The following PCDH15 variants were observed in gnomAD, a reference collection of about 807,000 sequenced individuals.
The protein encoded by PCDH15 is protocadherin-15.
PCDH15 carries 129 observed loss-of-function variants against 178.5 expected under a neutral mutation model. That is an observed-to-expected ratio of 0.72 (90% confidence interval 0.63 to 0.84). PCDH15 has a LOEUF of 0.84. Among genes scored for constraint, PCDH15 ranks in the 40% least tolerant of loss-of-function variants. PCDH15 has a pLI of 0.00. For missense variants in PCDH15, 2,230 were observed against 2,099.9 expected (o/e 1.06, Z -1.21); for synonymous variants, 800 against 732.0 (o/e 1.09, Z -1.50).
In PCDH15 at chr10:54,692,699, A is replaced by AAACATCCCTGATTGAGTGACTCCG. The variant is rs66510225; in HGVS notation, c.-28-28410_-28-28409insCGGAGTCACTCAATCAGGGATGTT. ...CTTAAACTTAAAAGCGAATAACTCC[A>AAACATCCCTGATTGAGTGACTCCG]AACATCCCTGATTGAATAACTCAAA... On this transcript the variant is annotated intron_variant, in intron 1 of 37. Transcript: ENST00000644397. Among the ~76,000 whole-genome samples, 78 of 152,196 alleles carry AAACATCCCTGATTGAGTGACTCCG rather than the reference A, an allele frequency of 5.1e-4. 1 individual carries two copies. The highest frequency in any genetic ancestry group is 1.7e-3 in the African/African-American group (71 of 41,548).
intron 10 of PCDH15, among the ~76,000 whole-genome samples, chr10:54,211,969 A>C (rs1398773064): frequency 8.2e-6 from 1 of 122,348 alleles, no homozygotes; most frequent in Non-Finnish European, 1.8e-5. Context: ...CCATTAATAA[A>C]AGAAAGTGCT....
intron 10 of PCDH15, among the ~76,000 whole-genome samples, chr10:54,205,593 A>G (rs1393940275): frequency 1.3e-5 from 2 of 151,602 alleles, no homozygotes; most frequent in African/African-American, 2.4e-5. Flanking sequence ...CTGACTAAAA[A>G]TTATTAGGTT....
chr10:54,251,715 C>T (rs2056487615), intron 8 of PCDH15, among the ~76,000 whole-genome samples: 1 of 152,054 alleles, frequency 6.6e-6, no homozygotes, highest in Non-Finnish European at 1.5e-5. Flanking sequence ...CTACCATTGT[C>T]CTATCAAGTT....
At chr10:54,449,453 C>T (rs1034271036) in intron 3 of PCDH15, among the ~76,000 whole-genome samples, 1 of 151,692 alleles carries the variant, frequency 6.6e-6, no homozygotes, top group African/African-American at 2.4e-5. Flanking sequence ...GTAAATATAA[C>T]CTTCTCTATC....
chr10:55,238,779 GT>G (rs934290682), intron 1 of PCDH15, among the ~76,000 whole-genome samples: 2 of 151,912 alleles, frequency 1.3e-5, no homozygotes, highest in Non-Finnish European at 2.9e-5. Context: ...TATATGTGAT[GT>G]TTTCATACAG....
chr10:54,638,847 G>A (rs1043290396), intron 2 of PCDH15, among the ~76,000 whole-genome samples: 1 of 151,990 alleles, frequency 6.6e-6, no homozygotes, highest in Non-Finnish European at 1.5e-5. Flanking sequence ...ACGGAACACC[G>A]CTCAGCTATA....
intron 20 of PCDH15, among the ~76,000 whole-genome samples, chr10:54,015,516 G>T (rs1319381802): frequency 6.6e-6 from 1 of 152,150 alleles, no homozygotes; most frequent in African/African-American, 2.4e-5. Context: ...CAATGCTACG[G>T]TAACCAAAAC....
chr10:55,463,836 G>C (rs1158874975), intron 2 of PCDH15, among the ~76,000 whole-genome samples: 1 of 150,294 alleles, frequency 6.7e-6, no homozygotes, highest in Non-Finnish European at 1.5e-5. Context: ...TATTAAATGA[G>C]ATAGGGTGAC....
At chr10:55,020,683 G>A (rs961309031) in intron 2 of PCDH15, among the ~76,000 whole-genome samples, 2 of 152,008 alleles carry the variant, frequency 1.3e-5, no homozygotes, top group Non-Finnish European at 2.9e-5. Context: ...TCGCCTTTTC[G>A]TTCCTAAATA....
chr10:55,007,360 GA>G (rs1376015074), intron 2 of PCDH15, among the ~76,000 whole-genome samples: 2 of 150,330 alleles, frequency 1.3e-5, no homozygotes, highest in African/African-American at 4.9e-5. Context: ...CATACTTTCA[GA>G]AAATAGTGTT....
At chr10:54,011,106 AG>A (rs1309623626) in intron 20 of PCDH15, among the ~76,000 whole-genome samples, 1 of 145,876 alleles carries the variant, frequency 6.9e-6, no homozygotes, top group African/African-American at 2.4e-5. Context: ...CCAGCAGTGC[AG>A]CCACCCCACT....
intron 2 of PCDH15, among the ~76,000 whole-genome samples, chr10:55,353,210 C>A (rs764444115): frequency 9.2e-5 from 14 of 152,110 alleles, no homozygotes; most frequent in Non-Finnish European, 2.1e-4. Context: ...GTCGTCAAAT[C>A]CCAAAGCACA....
intron 1 of PCDH15, among the ~76,000 whole-genome samples, chr10:54,681,076 G>A (rs2094890726): frequency 6.6e-6 from 1 of 152,106 alleles, no homozygotes; most frequent in Non-Finnish European, 1.5e-5. Flanking sequence ...ATGAGAAACA[G>A]CAAATAGGCC....
chr10:53,810,703 T>A (rs1198224071), intron 36 of PCDH15, 39 bp from the exon 37 acceptor site: 1 of 1,546,638 alleles, frequency 6.5e-7, no homozygotes, highest in Non-Finnish European at 8.9e-7. Context: ...GTTTGTCATG[T>A]GATTTCTGTA....
intron 2 of PCDH15, among the ~76,000 whole-genome samples, chr10:55,543,379 G>GTATATATATATA (rs5785142): frequency 2.0e-5 from 3 of 146,942 alleles, no homozygotes; most frequent in Admixed American, 6.9e-5. Context: ...TATAATGCCT[G>GTATATATATATA]TATATATATA....
chr10:55,132,214 T>C (rs1049756676), intron 2 of PCDH15, among the ~76,000 whole-genome samples: 1 of 152,206 alleles, frequency 6.6e-6, no homozygotes, highest in Non-Finnish European at 1.5e-5. Context: ...ATCATATGGC[T>C]AACTTCTTAT....
intron 2 of PCDH15, among the ~76,000 whole-genome samples, chr10:55,024,643 A>G (rs1840430393): frequency 6.6e-6 from 1 of 152,054 alleles, no homozygotes; most frequent in Non-Finnish European, 1.5e-5. Flanking sequence ...CCCCATCTCA[A>G]GAAACTGCAT....
At chr10:55,205,081 A>C (rs1840359214) in intron 1 of PCDH15, among the ~76,000 whole-genome samples, 1 of 152,092 alleles carries the variant, frequency 6.6e-6, no homozygotes, top group Non-Finnish European at 1.5e-5. Context: ...ACTTCCAAGC[A>C]AGCCAACTAT....
At chr10:55,567,280 CAAAATGGATCCATGACCTAAATGGAA>C (rs908952680) in intron 2 of PCDH15, among the ~76,000 whole-genome samples, 1 of 151,746 alleles carries the variant, frequency 6.6e-6, no homozygotes, top group African/African-American at 2.4e-5. Context: ...AAAATTTAGT[CAAAATGGATCCATGACCTAAATGGAA>C]GGCCTAAAAC....
Sources: gnomAD v4.1 joint callset for allele counts (sites outside exome capture counted in the v4.1 genomes callset) on GRCh38, gnomAD v4.1.1 for gene constraint, MANE v1.5 for transcripts, NCBI Gene and HGNC (gene_info 2026-07-23, HGNC 2026-07-21) for gene names.